Variants in SERPINB13 observed in about 807,000 individuals in gnomAD.
SERPINB13 encodes serpin B13.
A neutral mutation model predicts 31.2 loss-of-function variants in SERPINB13; 26 were observed. The ratio of observed to expected loss-of-function variants is 0.83; its 90% confidence interval spans 0.61 to 1.15. The LOEUF (loss-of-function observed/expected upper bound fraction) is 1.15. SERPINB13 is among the 50% of genes most tolerant of loss of function. The probability of loss-of-function intolerance (pLI) is 0.00; values close to 1 mark genes in which losing one functional copy is unlikely to be tolerated. For missense variants in SERPINB13, 510 were observed against 469.4 expected, an observed-to-expected ratio of 1.09 and a Z score of -0.80; for synonymous variants, 191 against 172.4, an observed-to-expected ratio of 1.11 and a Z score of -0.85.
At chr18:63,590,329 C>T (rs1009185325) in intron 3 of SERPINB13, among the ~76,000 whole-genome samples, 27 of 152,240 alleles carry the variant, frequency 1.8e-4, no homozygotes, top group Admixed American at 1.0e-3. Context: ...AGGAATAAGC[C>T]CATTAGGTCG....
At position 63,597,334 on chromosome 18, in the gene SERPINB13, C is replaced by T; in HGVS notation, c.1147C>T (p.Leu383Phe). Reference sequence around the variant, plus strand: ...CAGGCACAATGAATCCAACAGCATCCTCTTCTTCGGCAGATTTTCTTCTCC... The same window carrying T: ...CAGGCACAATGAATCCAACAGCATCTTCTTCTTCGGCAGATTTTCTTCTCC... ...FIRHNESNSI[L>F]FFGRFSSP Residue 383 changes from leucine (L) to phenylalanine (F), a missense_variant, in exon 8 of 8, where the codon CTC (leucine) becomes TTC (phenylalanine). Transcript: ENST00000344731. The T allele has an allele frequency of 6.2e-7, 1 of 1,613,410 alleles. No homozygotes were observed. The highest frequency in any genetic ancestry group is 8.5e-7 in the Non-Finnish European group (1 of 1,179,644).
At chr18:63,588,529 C>T in intron 1 of SERPINB13, 122 bp from the exon 2 acceptor site, 2 of 1,016,252 alleles carry the variant, frequency 2.0e-6, no homozygotes, top group Non-Finnish European at 2.9e-6. Flanking sequence ...CGACCTTTCA[C>T]CAAAAGGGTG....
Position 63,588,738 on chromosome 18 carries a change from A to C in SERPINB13, c.71A>C (p.Asp24Ala). The C allele has an allele frequency of 6.2e-7, 1 of 1,614,170 alleles. No homozygotes were observed. Among genetic ancestry groups the C allele is most frequent in the South Asian group, 1.1e-5 (1 of 91,084 alleles). The change falls in exon 2 of 8, where the codon GAT becomes GCT. Residue 24 changes from aspartate (D) to alanine (A), a missense_variant. Asp to Ala is a moderately radical substitution (Grantham distance 126). Coordinates refer to ENST00000344731, the MANE Select transcript of SERPINB13 (RefSeq NM_012397.4). ...TTCAAAGAGCTGAAGAAAACAAATGATGGCAACATCTTCTTTTCCCCTGTG... is the reference window on the plus strand; with the variant it reads ...TTCAAAGAGCTGAAGAAAACAAATGCTGGCAACATCTTCTTTTCCCCTGTG... ...DLFKELKKTNDGNIFFSPVGI... is the reference protein window; with the variant it reads ...DLFKELKKTNAGNIFFSPVGI...
At chr18:63,596,664 A>C (rs1912185700) in intron 7 of SERPINB13, among the ~76,000 whole-genome samples, 2 of 152,240 alleles carry the variant, frequency 1.3e-5, no homozygotes, top group Non-Finnish European at 2.9e-5. Flanking sequence ...GCATTCAAAG[A>C]CTAGGAGAGA....
chr18:63,589,596 G>C, intron 2 of SERPINB13, 60 bp from the exon 3 acceptor site: 1 of 1,587,220 alleles, frequency 6.3e-7, no homozygotes, highest in South Asian at 1.2e-5. Context: ...TCCCCTGACT[G>C]ATTCTGTGTG....
intron 5 of SERPINB13, chr18:63,594,088 G>T (rs1912010619): frequency 1.6e-6 from 2 of 1,256,122 alleles, no homozygotes; most frequent in Non-Finnish European, 2.2e-6. Context: ...CTGATAAGAG[G>T]CAAACTGGAT....
At chr18:63,596,874 C>T (rs572597172) in intron 7 of SERPINB13, 85 bp from the exon 8 acceptor site, 1,070 of 1,128,612 alleles carry the variant, frequency 9.5e-4, no homozygotes, top group Non-Finnish European at 1.3e-3. Context: ...AAATTAATAA[C>T]TTCTGACTGA....
chr18:63,597,988 T>C lies in SERPINB13; in HGVS notation c.*625T>C, dbSNP rs982423156. ...TTGATATTGTGTAATAAATGTGGTA[T>C]TTGAGAAGATAAATGATGTAGTTGA... On this transcript the variant is annotated 3_prime_UTR_variant, in exon 8 of 8. Coordinates refer to ENST00000344731, the MANE Select transcript of SERPINB13 (RefSeq NM_012397.4). 6.6e-6 allele frequency: 1 copy of C among 152,228 alleles called. No individual in the cohort carries two copies. The highest frequency in any genetic ancestry group is 2.4e-5 in the African/African-American group (1 of 41,450). 9.4% of individuals were successfully genotyped at this position (152,228 alleles called of 1,614,324 possible).
chr18:63,588,593 T>C, intron 1 of SERPINB13, 58 bp from the exon 2 acceptor site: 1 of 1,519,086 alleles, frequency 6.6e-7, no homozygotes, highest in Non-Finnish European at 9.1e-7. Context: ...CAGAAAGGAT[T>C]CCCCTGACAC....
At chr18:63,592,784 T>G in intron 4 of SERPINB13, 70 bp from the exon 5 acceptor site, 2 of 1,004,042 alleles carry the variant, frequency 2.0e-6, no homozygotes, top group South Asian at 1.5e-5. Context: ...CATAAATTTA[T>G]TTAGAGATGT....
intron 2 of SERPINB13, among the ~76,000 whole-genome samples, chr18:63,589,244 C>A (rs1023480897): frequency 6.6e-6 from 1 of 152,146 alleles, no homozygotes; most frequent in Non-Finnish European, 1.5e-5. Context: ...TAGTCTTGAA[C>A]TCCTGACCTC....
chr18:63,589,451 TCACACACACACACA>T (rs112829867), intron 2 of SERPINB13, among the ~76,000 whole-genome samples, 191 bp from the exon 3 acceptor site: 4 of 111,890 alleles, frequency 3.6e-5, no homozygotes, highest in Non-Finnish European at 6.3e-5. Context: ...CAAAACTCCA[TCACACACACACACA>T]CACACACACA....
Position 63,598,245 on chromosome 18 carries a change from T to A in SERPINB13, c.*882T>A, listed in dbSNP as rs890743051. 1 of 152,138 alleles carries A rather than the reference T, an allele frequency of 6.6e-6. No homozygotes were observed. The highest frequency in any genetic ancestry group is 2.4e-5 in the African/African-American group (1 of 41,442). 9.4% of individuals were successfully genotyped at this position (152,138 alleles called of 1,614,324 possible). ...TGTTTCATTTTTTTCCTCCAGTTTT[T>A]AACAAGATCACATAACTGGCTTATT... On this transcript the variant is annotated 3_prime_UTR_variant, in exon 8 of 8. Transcript: ENST00000344731.
At chr18:63,587,819 A>C (rs901299650) in intron 1 of SERPINB13, among the ~76,000 whole-genome samples, 3 of 152,254 alleles carry the variant, frequency 2.0e-5, no homozygotes, top group African/African-American at 7.2e-5. Flanking sequence ...GCCTTTACTT[A>C]CTAGTTTTAA....
In SERPINB13 at chr18:63,592,932, C is replaced by A; in HGVS notation, c.433C>A (p.Arg145=). The A allele has an allele frequency of 6.2e-7, 1 of 1,612,956 alleles. No homozygotes were observed. ...VDFVNAADES[R]KKINSWVESK... ...TTTTGTAAATGCAGCCGATGAAAGT[C>A]GAAAGAAGATTAATTCCTGGGTTGA... The change falls in exon 5 of 8, where the codon CGA becomes AGA. Residue 145 remains arginine (R), a synonymous_variant. Coordinates refer to ENST00000344731, the MANE Select transcript of SERPINB13 (RefSeq NM_012397.4).
chr18:63,593,404 A>G (rs1181846746), intron 5 of SERPINB13, among the ~76,000 whole-genome samples: 1 of 152,180 alleles, frequency 6.6e-6, no homozygotes, highest in Non-Finnish European at 1.5e-5. Context: ...TGTCTGTGTT[A>G]AATGAGAAAC....
chr18:63,587,710 C>T (rs182067220), intron 1 of SERPINB13, among the ~76,000 whole-genome samples: 4 of 152,322 alleles, frequency 2.6e-5, no homozygotes, highest in African/African-American at 7.2e-5. Flanking sequence ...GATGCCTTAG[C>T]GGGGATGAGC....
chr18:63,589,100 A>C (rs1408260136), intron 2 of SERPINB13, among the ~76,000 whole-genome samples: 3 of 152,196 alleles, frequency 2.0e-5, no homozygotes, highest in Admixed American at 1.3e-4. Flanking sequence ...TTATGGAAAA[A>C]GTGACATAAT....
chr18:63,597,467 C>A lies in SERPINB13; in HGVS notation c.*104C>A. On this transcript the variant is annotated 3_prime_UTR_variant, in exon 8 of 8. Coordinates refer to ENST00000344731, the MANE Select transcript of SERPINB13 (RefSeq NM_012397.4). ...ATTCTTTTAAATGTTGTCTCACTTG[C>A]ATTTCCAGTCTTGGCCATCAAATCA... The A allele has an allele frequency of 8.2e-7, 1 of 1,221,268 alleles. No homozygotes were observed. Among genetic ancestry groups the A allele is most frequent in the Non-Finnish European group, 1.1e-6 (1 of 876,752 alleles). 75.7% of individuals were successfully genotyped at this position (1,221,268 alleles called of 1,614,324 possible).
Sources: allele counts gnomAD v4.1 joint callset (sites outside exome capture counted in the v4.1 genomes callset), GRCh38; gene constraint gnomAD v4.1.1; transcripts MANE v1.5; gene names NCBI Gene and HGNC (gene_info 2026-07-23, HGNC 2026-07-21).